LRRC37A2: variants seen among roughly 807,000 people sequenced by gnomAD.
The protein encoded by LRRC37A2 is leucine rich repeat containing 37 member A2, also known as leucine-rich repeat-containing protein 37A2.
LRRC37A2 carries 9 observed loss-of-function variants against 68.8 expected under a neutral mutation model. That is an observed-to-expected ratio of 0.13 (90% confidence interval 0.08 to 0.23). The LOEUF is 0.23. LRRC37A2 is among the 10% of genes least tolerant of loss of function. The pLI is 1.00. For synonymous variants in LRRC37A2, 63 were observed against 367.6 expected, an observed-to-expected ratio of 0.17 and a Z score of 9.48; for missense variants, 168 against 950.4, an observed-to-expected ratio of 0.18 and a Z score of 10.82.
chr17:46,761,903 G>C, the LRRC37A2 span, among the ~76,000 whole-genome samples: 1 of 152,182 alleles, frequency 6.6e-6, no homozygotes, highest in Non-Finnish European at 1.5e-5. Context: ...CATCCCCAGA[G>C]CATGCCCACT....
the LRRC37A2 span, among the ~76,000 whole-genome samples, chr17:46,717,416 T>C: frequency 2.0e-5 from 3 of 151,852 alleles, no homozygotes; most frequent in Admixed American, 6.6e-5. Context: ...AAATTAACTA[T>C]ACTTAAAAAT....
At chr17:46,901,082 G>C in the LRRC37A2 span, among the ~76,000 whole-genome samples, 2 of 152,228 alleles carry the variant, frequency 1.3e-5, no homozygotes, top group Non-Finnish European at 2.9e-5. Flanking sequence ...TCTGAGCTAA[G>C]ATAGGAGGAA....
At chr17:46,858,681 T>C in the LRRC37A2 span, among the ~76,000 whole-genome samples, 6 of 152,122 alleles carry the variant, frequency 3.9e-5, no homozygotes, top group Non-Finnish European at 7.4e-5. Context: ...TCCAGAACCA[T>C]GTAGGATGGG....
At chr17:46,841,829 G>A in the LRRC37A2 span, among the ~76,000 whole-genome samples, 5 of 152,260 alleles carry the variant, frequency 3.3e-5, no homozygotes, top group Non-Finnish European at 7.3e-5. Context: ...TGAGCTCCGC[G>A]TTTGCCGTGT....
At chr17:46,776,964 C>G in the LRRC37A2 span, among the ~76,000 whole-genome samples, 1 of 152,278 alleles carries the variant, frequency 6.6e-6, no homozygotes, top group Admixed American at 6.5e-5. Flanking sequence ...TGGGCACCCT[C>G]AAGCTAAACT....
the LRRC37A2 span, among the ~76,000 whole-genome samples, chr17:47,000,236 C>CTT: frequency 2.5e-5 from 3 of 120,946 alleles, no homozygotes; most frequent in African/African-American, 6.2e-5. Flanking sequence ...TTGTTTTTTG[C>CTT]TTTTTTTTTT....
At chr17:46,818,494 G>T in the LRRC37A2 span, 2 of 1,591,274 alleles carry the variant, frequency 1.3e-6, no homozygotes, top group South Asian at 1.1e-5. Context: ...ACCGGGCCGC[G>T]GGCAGACAAG....
chr17:46,533,257 A>G (rs1276179925), intron 6 of LRRC37A2, among the ~76,000 whole-genome samples: 1 of 96,128 alleles, frequency 1.0e-5, no homozygotes, highest in Admixed American at 1.1e-4. Context: ...ATCTCTAAAA[A>G]TTTTTTTTAG....
chr17:46,727,554 C>T, the LRRC37A2 span, among the ~76,000 whole-genome samples: 1 of 152,024 alleles, frequency 6.6e-6, no homozygotes, highest in Non-Finnish European at 1.5e-5. Context: ...GCTTTTGGTC[C>T]TCTGTTATTT....
the LRRC37A2 span, among the ~76,000 whole-genome samples, chr17:46,878,286 A>G: frequency 6.6e-6 from 1 of 152,204 alleles, no homozygotes; most frequent in Non-Finnish European, 1.5e-5. Context: ...CCAACACAGG[A>G]AATTTCAGAA....
chr17:46,533,412 CT>C (rs1161962469), intron 6 of LRRC37A2, among the ~76,000 whole-genome samples: 1 of 123,606 alleles, frequency 8.1e-6, no homozygotes, highest in African/African-American at 3.7e-5. Flanking sequence ...CTCCTTTATA[CT>C]GTTATTGTCA....
At chr17:46,984,747 G>T in the LRRC37A2 span, among the ~76,000 whole-genome samples, 1 of 152,206 alleles carries the variant, frequency 6.6e-6, no homozygotes, top group Admixed American at 6.5e-5. Context: ...GAAGGAAAAT[G>T]CTTAAATCTG....
At chr17:46,784,560 C>A in the LRRC37A2 span, among the ~76,000 whole-genome samples, 1 of 152,238 alleles carries the variant, frequency 6.6e-6, no homozygotes, top group Non-Finnish European at 1.5e-5. Flanking sequence ...GGGCAGCCAG[C>A]CCAGCTTCAG....
chr17:46,707,356 T>C, the LRRC37A2 span, among the ~76,000 whole-genome samples: 2 of 152,232 alleles, frequency 1.3e-5, no homozygotes, highest in Admixed American at 1.3e-4. Flanking sequence ...ATATACTCTT[T>C]TTTTCTCAAT....
chr17:46,729,039 T>C, the LRRC37A2 span: 3 of 721,742 alleles, frequency 4.2e-6, no homozygotes, highest in Non-Finnish European at 6.6e-6. Context: ...AACATAAAAT[T>C]CTGTTGTTGA....
At chr17:46,938,553 A>G in the LRRC37A2 span, 2 of 1,612,664 alleles carry the variant, frequency 1.2e-6, no homozygotes, top group Non-Finnish European at 1.7e-6. Context: ...CACTCTTGGT[A>G]AAGCGACTTG....
chr17:47,034,535 A>G, the LRRC37A2 span, among the ~76,000 whole-genome samples: 895 of 152,230 alleles, frequency 5.9e-3, 8 homozygotes, highest in African/African-American at 0.02. Context: ...GAAAGATAAC[A>G]AACTTTGCTA....
At chr17:46,878,627 C>T in the LRRC37A2 span, among the ~76,000 whole-genome samples, 2 of 152,192 alleles carry the variant, frequency 1.3e-5, no homozygotes, top group Non-Finnish European at 2.9e-5. Flanking sequence ...CTTCCCAATC[C>T]ATCTTGCTCC....
the LRRC37A2 span, among the ~76,000 whole-genome samples, chr17:46,818,936 G>T: frequency 6.6e-6 from 1 of 152,180 alleles, no homozygotes; most frequent in Non-Finnish European, 1.5e-5. Context: ...ACGCCGCGGG[G>T]CTTCGGGGGG....
Sources: gnomAD v4.1 joint callset for allele counts (sites outside exome capture counted in the v4.1 genomes callset) on GRCh38, gnomAD v4.1.1 for gene constraint, MANE v1.5 for transcripts, NCBI Gene and HGNC (gene_info 2026-07-23, HGNC 2026-07-21) for gene names.